DCC: variants seen among roughly 807,000 people sequenced by gnomAD.
The protein encoded by DCC is DCC netrin 1 receptor.
A neutral mutation model predicts 172.5 loss-of-function variants in DCC; 58 were observed. The observed-to-expected ratio is 0.34, with a 90% CI of 0.27 to 0.42. DCC has a LOEUF of 0.42. DCC is among the 10% of genes least tolerant of loss of function. The probability of loss-of-function intolerance (pLI) is 1.00; values close to 1 mark genes in which losing one functional copy is unlikely to be tolerated. For missense variants in DCC, 1,740 were observed against 1,791.0 expected, an observed-to-expected ratio of 0.97 and a Z score of 0.51; for synonymous variants, 709 against 644.5, an observed-to-expected ratio of 1.10 and a Z score of -1.52.
rs186563049 is a variant in DCC, at chr18:52,421,283, G to A, written c.91+80405G>A. 8.9e-4 allele frequency among the ~76,000 whole-genome samples: 136 copies of A among 152,240 alleles called. 1 individual carries two copies. Among genetic ancestry groups the A allele is most frequent in the African/African-American group, 3.0e-3 (123 of 41,556 alleles). On this transcript the variant is annotated intron_variant, in intron 1 of 28. Coordinates refer to ENST00000442544, the MANE Select transcript of DCC (RefSeq NM_005215.4). ...GACAGGTAGACCAGGTGTCTGATGCGCAATCAAGATATGAAGGGCTGATGG... is the reference window on the plus strand; with the variant it reads ...GACAGGTAGACCAGGTGTCTGATGCACAATCAAGATATGAAGGGCTGATGG...
At chr18:53,441,275 C>G (rs775871691) in intron 22 of DCC, among the ~76,000 whole-genome samples, 4 of 152,070 alleles carry the variant, frequency 2.6e-5, no homozygotes, top group Non-Finnish European at 5.9e-5. Context: ...CCTCACTGCC[C>G]TTTTGCCAGG....
At chr18:53,114,893 A>G (rs1231202620) in intron 7 of DCC, among the ~76,000 whole-genome samples, 1 of 151,664 alleles carries the variant, frequency 6.6e-6, no homozygotes, top group Non-Finnish European at 1.5e-5. Context: ...TTGATGAAAG[A>G]AATGTGTCCA....
intron 5 of DCC, among the ~76,000 whole-genome samples, chr18:52,970,446 A>G (rs1332869170): frequency 1.3e-5 from 2 of 152,178 alleles, no homozygotes; most frequent in Non-Finnish European, 2.9e-5. Flanking sequence ...ATTATCACAT[A>G]ATATATAAAA....
At chr18:52,883,092 A>G (rs1298104332) in intron 2 of DCC, among the ~76,000 whole-genome samples, 2 of 151,872 alleles carry the variant, frequency 1.3e-5, no homozygotes, top group South Asian at 2.1e-4. Context: ...TTTTGTCTTC[A>G]TTGGCATGGG....
chr18:52,888,763 T>C (rs771075416), intron 2 of DCC, among the ~76,000 whole-genome samples: 1 of 152,076 alleles, frequency 6.6e-6, no homozygotes, highest in African/African-American at 2.4e-5. Flanking sequence ...TAGTTTACCA[T>C]ATATTTTAGC....
At chr18:53,286,782 C>G (rs924759282) in intron 12 of DCC, among the ~76,000 whole-genome samples, 1 of 152,302 alleles carries the variant, frequency 6.6e-6, no homozygotes, top group Non-Finnish European at 1.5e-5. Context: ...TTTAGGTTCC[C>G]TCTGGAAAGT....
intron 1 of DCC, among the ~76,000 whole-genome samples, chr18:52,641,227 A>C (rs536172454): frequency 6.6e-6 from 1 of 152,344 alleles, no homozygotes; most frequent in African/African-American, 2.4e-5. Context: ...AAGATGGATT[A>C]AGAACTTAAA....
At chr18:52,752,006 G>A in intron 1 of DCC, 48 bp from the exon 2 acceptor site, 1 of 1,511,670 alleles carries the variant, frequency 6.6e-7, no homozygotes, top group South Asian at 1.1e-5. Context: ...CTAAGCCTGA[G>A]ATTTATTTGA....
At chr18:53,047,274 AT>A (rs1568268027) in intron 5 of DCC, among the ~76,000 whole-genome samples, 1 of 18,204 alleles carries the variant, frequency 5.5e-5, no homozygotes, top group Non-Finnish European at 1.0e-4. Flanking sequence ...ATATATATAT[AT>A]ATATATATAT....
intron 23 of DCC, 74 bp from the exon 24 acceptor site, chr18:53,459,158 G>T (rs1195399199): frequency 8.3e-7 from 1 of 1,206,234 alleles, no homozygotes; most frequent in East Asian, 2.3e-5. Context: ...CTTCTAACTT[G>T]AATTGACTGA....
chr18:52,474,212 G>GAGAGAC lies in DCC; in HGVS notation c.91+133339_91+133340insCAGAGA, dbSNP rs754129216. 1.0e-2 allele frequency among the ~76,000 whole-genome samples: 485 copies of GAGAGAC among 48,528 alleles called. 10 individuals are homozygous for GAGAGAC. Among genetic ancestry groups the GAGAGAC allele is most frequent in the South Asian group, 3.5e-3 (6 of 1,738 alleles). The allele number at this position is 48,528 out of a possible 152,430, so 31.8% of individuals were successfully genotyped here. ...TACATAATTGTAACAGACCTAGAGA[G>GAGAGAC]AGAGAGAGAGAGAGAGAGAGAGAGA... On this transcript the variant is annotated intron_variant, in intron 1 of 28. Transcript: ENST00000442544.
intron 2 of DCC, among the ~76,000 whole-genome samples, chr18:52,805,602 T>C (rs1182409236): frequency 1.3e-5 from 2 of 152,188 alleles, no homozygotes; most frequent in African/African-American, 4.8e-5. Context: ...GGGACATACA[T>C]TGTTAATTTA....
intron 1 of DCC, among the ~76,000 whole-genome samples, chr18:52,711,330 T>G (rs1599038394): frequency 6.6e-6 from 1 of 151,984 alleles, no homozygotes; most frequent in South Asian, 2.1e-4. Context: ...CGGGTTCAAG[T>G]GATTCTCCTG....
intron 19 of DCC, among the ~76,000 whole-genome samples, chr18:53,405,410 C>T (rs1909597758): frequency 6.6e-6 from 1 of 152,012 alleles, no homozygotes; most frequent in Non-Finnish European, 1.5e-5. Context: ...CGGTTTCTCA[C>T]CTATAAAATA....
intron 14 of DCC, among the ~76,000 whole-genome samples, chr18:53,330,373 A>G (rs1233313436): frequency 3.3e-5 from 5 of 152,126 alleles, no homozygotes; most frequent in Admixed American, 1.3e-4. Context: ...TATCCATTCA[A>G]TCACCAAGAT....
At chr18:53,527,756 C>T (rs993505012) in intron 28 of DCC, among the ~76,000 whole-genome samples, 5 of 151,722 alleles carry the variant, frequency 3.3e-5, no homozygotes, top group Non-Finnish European at 7.4e-5. Context: ...AAGACATTGC[C>T]TAAAGGCAGC....
intron 19 of DCC, among the ~76,000 whole-genome samples, chr18:53,409,487 C>T (rs571803574): frequency 1.2e-4 from 19 of 152,192 alleles, no homozygotes; most frequent in East Asian, 9.7e-4. Context: ...GAGATCAGCA[C>T]GACATTTGTT....
chr18:52,894,470 T>C (rs1433838699), intron 2 of DCC, among the ~76,000 whole-genome samples: 1 of 149,924 alleles, frequency 6.7e-6, no homozygotes, highest in Non-Finnish European at 1.5e-5. Flanking sequence ...TATATTAATA[T>C]ATGTTTATGT....
intron 1 of DCC, among the ~76,000 whole-genome samples, chr18:52,455,800 A>G (rs1988439040): frequency 1.3e-5 from 2 of 152,336 alleles, no homozygotes; most frequent in Middle Eastern, 3.4e-3. Flanking sequence ...GGTACTAAAA[A>G]CAGTGCTTGG....
Sources: allele counts gnomAD v4.1 joint callset (sites outside exome capture counted in the v4.1 genomes callset), GRCh38; gene constraint gnomAD v4.1.1; transcripts MANE v1.5; gene names NCBI Gene and HGNC (gene_info 2026-07-23, HGNC 2026-07-21).